THOC2: variants seen among roughly 807,000 people sequenced by gnomAD.
THOC2 encodes the protein THO complex 2.
Under a neutral mutation model 128.4 loss-of-function variants are expected in THOC2, and 10 were observed. The observed-to-expected ratio is 0.08, with a 90% CI of 0.05 to 0.13. The LOEUF (loss-of-function observed/expected upper bound fraction) is 0.13, where lower values mean the gene tolerates loss of function less well. Among genes scored for constraint, THOC2 ranks in the 10% least tolerant of loss-of-function variants. The pLI, the probability that THOC2 is intolerant of heterozygous loss-of-function variation, is 1.00. For missense variants in THOC2, 535 were observed against 1,155.7 expected (o/e 0.46, Z 7.79); for synonymous variants, 393 against 396.9 (o/e 0.99, Z 0.12).
intron 7 of THOC2, among the ~76,000 whole-genome samples, chrX:123,694,857 G>A (rs988555521): frequency 8.9e-6 from 1 of 112,042 alleles, no homozygotes; most frequent in African/African-American, 3.2e-5. Flanking sequence ...GTTGGGCACA[G>A]TGGCTCATGC....
intron 33 of THOC2, among the ~76,000 whole-genome samples, chrX:123,616,673 G>GT (rs749251204): frequency 0.017 from 1,645 of 95,990 alleles, 11 homozygotes; most frequent in African/African-American, 0.026. Flanking sequence ...CCTGTTTTTT[G>GT]TTTTTTTTTT....
At chrX:123,615,079 C>T (rs749268877) in intron 33 of THOC2, among the ~76,000 whole-genome samples, 12 of 111,316 alleles carry the variant, frequency 1.1e-4, no homozygotes, top group Admixed American at 1.0e-3. Context: ...GATACCTAAC[C>T]TTACGGCATT....
At chrX:123,610,340 C>G (rs1331984605) in intron 38 of THOC2, 1 of 108,974 alleles carries the variant, frequency 9.2e-6, no homozygotes, top group Non-Finnish European at 1.9e-5. Flanking sequence ...ATTGTAAATT[C>G]CAGAACTAAA....
At chrX:123,709,592 C>CA (rs1051261515) in intron 2 of THOC2, among the ~76,000 whole-genome samples, 23 of 110,279 alleles carry the variant, frequency 2.1e-4, no homozygotes, top group East Asian at 2.9e-4. Flanking sequence ...GACTCTGTCT[C>CA]AAAAAAAAGG....
chrX:123,717,459 A>G (rs1252237464), intron 1 of THOC2, among the ~76,000 whole-genome samples: 1 of 111,446 alleles, frequency 9.0e-6, no homozygotes, highest in Admixed American at 9.6e-5. Context: ...ATACTTAGTA[A>G]TAAATTTAAC....
chrX:123,625,901 T>C lies in THOC2; in HGVS notation c.3057+11A>G. The C allele has an allele frequency of 8.3e-7, 1 of 1,204,510 alleles. No homozygotes were observed. The highest frequency in any genetic ancestry group is 1.1e-6 in the Non-Finnish European group (1 of 892,188). ...TGTGAGAACTTTTTAAAGGTTGCAA[T>C]AAAAACTTACTCGATCATAGCAAAG... On this transcript the variant is annotated intron_variant, in intron 25 of 38. Coordinates refer to ENST00000245838, the MANE Select transcript of THOC2 (RefSeq NM_001081550.2).
At chrX:123,726,969 G>A (rs756839805) in intron 1 of THOC2, among the ~76,000 whole-genome samples, 2 of 111,650 alleles carry the variant, frequency 1.8e-5, no homozygotes, top group Non-Finnish European at 3.8e-5. Context: ...GGAGGCTGAG[G>A]GGGGAGGATC....
At position 123,625,874 on chromosome X, in the gene THOC2, T is replaced by C. The variant is rs748888025; in HGVS notation, c.3057+38A>G. 6.4e-5 allele frequency: 75 copies of C among 1,166,892 alleles called. No homozygotes were observed. The South Asian group carries it at 1.3e-3, about 20-fold the overall frequency. ...TATAAATTATAATGTTAGCTATCTT[T>C]GTGTGAGAACTTTTTAAAGGTTGCA... is the stretch of plus-strand genomic sequence containing the variant. On this transcript the variant is annotated intron_variant, in intron 25 of 38. Transcript: ENST00000245838.
chrX:123,660,536 T>C (rs181743338), intron 12 of THOC2, among the ~76,000 whole-genome samples: 1 of 111,836 alleles, frequency 8.9e-6, no homozygotes, highest in East Asian at 2.8e-4. Flanking sequence ...GCAGAGATCA[T>C]CTTAACCAAA....
At chrX:123,624,722 TA>T in intron 25 of THOC2, 53 bp from the exon 26 acceptor site, 1 of 1,095,109 alleles carries the variant, frequency 9.1e-7, no homozygotes, top group Non-Finnish European at 1.2e-6. Flanking sequence ...CAAAATCAGT[TA>T]AAAATATTAG....
At chrX:123,636,221 G>A in intron 18 of THOC2, 46 bp from the exon 19 acceptor site, 1 of 1,004,264 alleles carries the variant, frequency 1.0e-6, no homozygotes, top group Non-Finnish European at 1.4e-6. Context: ...AAAACAAAAT[G>A]CACAAGTATC....
chrX:123,688,851 A>G (rs1160139458), intron 7 of THOC2, among the ~76,000 whole-genome samples: 1 of 112,006 alleles, frequency 8.9e-6, no homozygotes, highest in Admixed American at 9.5e-5. Context: ...AACACTGATG[A>G]TAGATTATGG....
At chrX:123,714,584 TAAGG>T (rs1251081978) in intron 1 of THOC2, among the ~76,000 whole-genome samples, 3 of 111,538 alleles carry the variant, frequency 2.7e-5, no homozygotes, top group Admixed American at 1.9e-4. Flanking sequence ...AAAAGATCAG[TAAGG>T]AAACAGAAGA....
At chrX:123,603,583 G>C (rs761776671) in intron 38 of THOC2, 1 of 819,276 alleles carries the variant, frequency 1.2e-6, no homozygotes, top group African/African-American at 2.0e-5. Flanking sequence ...GGAATGTCTC[G>C]TCAAGAGGAT....
At chrX:123,619,776 T>C (rs1430631759) in intron 32 of THOC2, 3 of 149,096 alleles carry the variant, frequency 2.0e-5, no homozygotes, top group Non-Finnish European at 3.9e-5. Context: ...ACAAAAAATT[T>C]AAAATACTGG....
intron 12 of THOC2, among the ~76,000 whole-genome samples, chrX:123,649,868 T>C (rs1031052379): frequency 4.5e-5 from 5 of 111,750 alleles, no homozygotes; most frequent in African/African-American, 1.6e-4. Flanking sequence ...TGGAACCAAG[T>C]TGGAAAACAC....
At chrX:123,634,227 T>C (rs1259375419) in intron 19 of THOC2, among the ~76,000 whole-genome samples, 157 bp from the exon 20 acceptor site, 1 of 112,250 alleles carries the variant, frequency 8.9e-6, no homozygotes, top group Non-Finnish European at 1.9e-5. Flanking sequence ...TAGAACTATA[T>C]TGACAAATAC....
intron 23 of THOC2, 141 bp downstream of exon 23, chrX:123,627,552 A>C: frequency 3.3e-6 from 2 of 608,766 alleles, no homozygotes; most frequent in South Asian, 6.9e-5. Flanking sequence ...CTCAGAAGTA[A>C]CTATTAAACC....
At chrX:123,724,062 C>G (rs2051830732) in intron 1 of THOC2, among the ~76,000 whole-genome samples, 1 of 111,066 alleles carries the variant, frequency 9.0e-6, no homozygotes, top group Non-Finnish European at 1.9e-5. Flanking sequence ...TAAAGAGAGC[C>G]AATGAATTCA....
Sources: allele counts gnomAD v4.1 joint callset (sites outside exome capture counted in the v4.1 genomes callset), GRCh38; gene constraint gnomAD v4.1.1; transcripts MANE v1.5; gene names NCBI Gene and HGNC (gene_info 2026-07-23, HGNC 2026-07-21).